LRBA: variants seen among roughly 807,000 people sequenced by gnomAD.
LRBA encodes the protein lipopolysaccharide-responsive and beige-like anchor protein.
In LRBA, 176 loss-of-function variants were observed where a neutral mutation model predicts 330.0. The ratio of observed to expected loss-of-function variants is 0.53; its 90% CI spans 0.47 to 0.60. LRBA has a LOEUF of 0.60. Ranked by LOEUF, LRBA falls within the 20% of genes least tolerant of loss-of-function variation. The pLI, the probability that LRBA is intolerant of heterozygous loss-of-function variation, is 0.00. For missense variants in LRBA, 3,259 were observed against 3,444.8 expected (o/e 0.95, Z 1.35); for synonymous variants, 1,230 against 1,193.0 (o/e 1.03, Z -0.64).
At chr4:150,350,954 G>A (rs1159900369) in intron 47 of LRBA, among the ~76,000 whole-genome samples, 1 of 152,174 alleles carries the variant, frequency 6.6e-6, no homozygotes, top group Non-Finnish European at 1.5e-5. Context: ...TGTTGATTGA[G>A]TTCTTATGCT....
chr4:150,837,742 C>T (rs1424174878), intron 28 of LRBA, among the ~76,000 whole-genome samples: 5 of 152,068 alleles, frequency 3.3e-5, no homozygotes, highest in African/African-American at 7.2e-5. Context: ...TGACTCTTTA[C>T]CCAATTTGCC....
At chr4:150,870,675 G>A in intron 19 of LRBA, 69 bp from the exon 20 acceptor site, 1 of 755,794 alleles carries the variant, frequency 1.3e-6, no homozygotes, top group East Asian at 2.5e-5. Flanking sequence ...TGAACTTTAA[G>A]TGCATCACTA....
At chr4:150,594,931 C>T (rs1186213399) in intron 38 of LRBA, among the ~76,000 whole-genome samples, 1 of 151,842 alleles carries the variant, frequency 6.6e-6, no homozygotes, top group Non-Finnish European at 1.5e-5. Flanking sequence ...GATATAAATC[C>T]TTTTTAACAT....
chr4:150,676,811 A>G (rs1489398924), intron 37 of LRBA, among the ~76,000 whole-genome samples: 1 of 152,212 alleles, frequency 6.6e-6, no homozygotes, highest in Non-Finnish European at 1.5e-5. Flanking sequence ...CCCCCAAACT[A>G]CAACTTCTAG....
chr4:150,533,852 G>A (rs1354423401), intron 40 of LRBA, among the ~76,000 whole-genome samples: 1 of 152,138 alleles, frequency 6.6e-6, no homozygotes, highest in East Asian at 1.9e-4. Context: ...GAGTCATAGA[G>A]ATCACAGTGG....
At chr4:150,574,206 T>C (rs1376254512) in intron 40 of LRBA, among the ~76,000 whole-genome samples, 1 of 152,134 alleles carries the variant, frequency 6.6e-6, no homozygotes, top group Non-Finnish European at 1.5e-5. Flanking sequence ...TTTTCCCAAG[T>C]TGCTACTTCA....
intron 2 of LRBA, among the ~76,000 whole-genome samples, chr4:150,956,700 C>G (rs574834712): frequency 6.7e-6 from 1 of 149,118 alleles, no homozygotes; most frequent in Admixed American, 6.6e-5. Context: ...AGATTTATTC[C>G]AGGAATGCAA....
At chr4:150,430,480 T>C (rs1380706616) in intron 46 of LRBA, among the ~76,000 whole-genome samples, 1 of 152,152 alleles carries the variant, frequency 6.6e-6, no homozygotes, top group African/African-American at 2.4e-5. Context: ...GCTGTATCCA[T>C]GAGCCCAAGG....
intron 47 of LRBA, among the ~76,000 whole-genome samples, chr4:150,406,780 T>G (rs750268034): frequency 6.6e-6 from 1 of 152,094 alleles, no homozygotes; most frequent in Non-Finnish European, 1.5e-5. Context: ...TGTCATTAAA[T>G]TGAGGAATTT....
intron 34 of LRBA, among the ~76,000 whole-genome samples, chr4:150,772,809 G>A (rs1020784011): frequency 1.3e-5 from 2 of 152,130 alleles, no homozygotes; most frequent in South Asian, 2.1e-4. Context: ...ACCTGTTACA[G>A]AGCCTTCTCT....
rs1202693646 is a variant in LRBA at position 150,639,849 on chromosome 4, A to G, written c.5922-40718T>C. ...TATATATATATATATATATATATATATATATATATATATATATATATATTT... is the reference window on the plus strand; with the variant it reads ...TATATATATATATATATATATATATGTATATATATATATATATATATATTT... On this transcript the variant is annotated intron_variant, in intron 37 of 56. Transcript: ENST00000651943. Among the ~76,000 whole-genome samples, 76 of 69,364 alleles carry G rather than the reference A, an allele frequency of 1.1e-3. 4 individuals carry two copies. The highest frequency in any genetic ancestry group is 2.5e-3 in the African/African-American group (45 of 17,788). The allele number at this position is 69,364 out of a possible 152,430, so 45.5% of individuals were successfully genotyped here. A position where few individuals can be genotyped will look rare whatever the true frequency, so the allele number is the denominator to read the frequency against.
At chr4:150,761,937 T>C (rs1246311929) in intron 34 of LRBA, 90 bp from the exon 35 acceptor site, 4 of 699,484 alleles carry the variant, frequency 5.7e-6, no homozygotes, top group South Asian at 3.8e-5. Context: ...ATCACCCATA[T>C]CAATTTCATG....
chr4:150,627,931 T>C (rs779698103), intron 37 of LRBA, among the ~76,000 whole-genome samples: 17 of 152,088 alleles, frequency 1.1e-4, no homozygotes, highest in Non-Finnish European at 2.1e-4. Context: ...GTAGTAAAGA[T>C]TTTATGACAC....
At chr4:150,365,254 G>C (rs1046549258) in intron 47 of LRBA, among the ~76,000 whole-genome samples, 6 of 151,966 alleles carry the variant, frequency 3.9e-5, no homozygotes, top group African/African-American at 1.5e-4. Context: ...CAATCTGCCT[G>C]CCTTGGCCTC....
intron 40 of LRBA, among the ~76,000 whole-genome samples, chr4:150,506,109 C>G (rs1761037681): frequency 1.3e-5 from 2 of 152,244 alleles, no homozygotes; most frequent in East Asian, 3.9e-4. Context: ...AAAAAAAGTC[C>G]AGGACCAGAT....
At position 150,381,842 on chromosome 4, in the gene LRBA, T is replaced by C. The variant is rs143061208; in HGVS notation, c.7195-31683A>G. On this transcript the variant is annotated intron_variant, in intron 47 of 56. Coordinates refer to ENST00000651943, the MANE Select transcript of LRBA (RefSeq NM_001364905.1). The stretch of plus-strand genomic sequence containing the variant: ...CTTAACCAATACTTGTTATTGTCTG[T>C]CTTTTTGCTAGTGGTTGTGAAGTGG... 7.7e-3 allele frequency among the ~76,000 whole-genome samples: 1,178 copies of C among 152,294 alleles called. 11 individuals are homozygous for C. The highest frequency in any genetic ancestry group is 0.026 in the African/African-American group (1,095 of 41,550).
chr4:150,935,931 T>C (rs1735040446), intron 2 of LRBA, among the ~76,000 whole-genome samples: 2 of 151,296 alleles, frequency 1.3e-5, no homozygotes, highest in African/African-American at 4.9e-5. Flanking sequence ...GCCACAAATA[T>C]AAGAAATTCT....
rs1330473748 is a variant in LRBA, at chr4:150,415,607, G to A, written c.7042-17C>T. ...GATCAACTCCTATATAAAAATAAAA[G>A]ACAATGTGATATTATAAACTGTAGG... On this transcript the variant is annotated splice_polypyrimidine_tract_variant and intron_variant, in intron 46 of 56. Coordinates refer to ENST00000651943, the MANE Select transcript of LRBA (RefSeq NM_001364905.1). 1.0e-5 allele frequency: 15 copies of A among 1,458,328 alleles called. No homozygotes were observed. The highest frequency in any genetic ancestry group is 1.4e-5 in the Non-Finnish European group (15 of 1,043,346). 90.3% of individuals were successfully genotyped at this position (1,458,328 alleles called of 1,614,324 possible). A position where few individuals can be genotyped will look rare whatever the true frequency, so the allele number is the denominator to read the frequency against.
At chr4:150,758,313 C>T (rs142238853) in intron 35 of LRBA, among the ~76,000 whole-genome samples, 1,653 of 152,226 alleles carry the variant, frequency 0.011, 12 homozygotes, top group Middle Eastern at 0.02. Flanking sequence ...AAGCTGTCTG[C>T]TATATAAAGA....
Sources: allele counts gnomAD v4.1 joint callset (sites outside exome capture counted in the v4.1 genomes callset), GRCh38; gene constraint gnomAD v4.1.1; transcripts MANE v1.5; gene names NCBI Gene and HGNC (gene_info 2026-07-23, HGNC 2026-07-21).